Variants in CDH10 observed in about 807,000 individuals in gnomAD.
CDH10 encodes the protein cadherin-10.
CDH10 carries 30 observed loss-of-function variants against 73.1 expected under a neutral mutation model. The ratio of observed to expected loss-of-function variants is 0.41; its 90% confidence interval spans 0.31 to 0.56. The LOEUF (loss-of-function observed/expected upper bound fraction) is 0.56. Among genes scored for constraint, CDH10 ranks in the 20% least tolerant of loss-of-function variants. The probability of loss-of-function intolerance (pLI) is 0.27; values close to 1 mark genes in which losing one functional copy is unlikely to be tolerated. For synonymous variants in CDH10, 345 were observed against 348.2 expected, an observed-to-expected ratio of 0.99 and a Z score of 0.10; for missense variants, 815 against 973.7, an observed-to-expected ratio of 0.84 and a Z score of 2.17.
chr5:24,520,898 T>TG (rs1743304941), intron 5 of CDH10, among the ~76,000 whole-genome samples: 1 of 151,606 alleles, frequency 6.6e-6, no homozygotes, highest in East Asian at 2.0e-4. Flanking sequence ...GGCAAATTTT[T>TG]TTTTTGTATT....
chr5:24,625,554 T>C (rs1174338098), intron 1 of CDH10, among the ~76,000 whole-genome samples: 3 of 88,264 alleles, frequency 3.4e-5, no homozygotes, highest in South Asian at 4.5e-4. Flanking sequence ...TCTGTATATA[T>C]ATATATATTC....
chr5:24,541,008 ACTT>A (rs1744135380), intron 2 of CDH10, among the ~76,000 whole-genome samples: 1 of 151,884 alleles, frequency 6.6e-6, no homozygotes, highest in Non-Finnish European at 1.5e-5. Flanking sequence ...AAAACCTTAC[ACTT>A]CTTATGTTTT....
intron 2 of CDH10, among the ~76,000 whole-genome samples, chr5:24,554,800 T>G (rs1179344360): frequency 1.3e-5 from 2 of 152,212 alleles, no homozygotes; most frequent in Non-Finnish European, 2.9e-5. Flanking sequence ...CTTTTCCTTT[T>G]ATGTGGTAAT....
At chr5:24,637,735 T>C (rs1381343092) in intron 1 of CDH10, among the ~76,000 whole-genome samples, 1 of 151,940 alleles carries the variant, frequency 6.6e-6, no homozygotes, top group East Asian at 1.9e-4. Flanking sequence ...AATAGCAACA[T>C]ATGATAGCCT....
intron 1 of CDH10, among the ~76,000 whole-genome samples, chr5:24,634,985 T>C (rs569628084): frequency 7.4e-6 from 1 of 134,522 alleles, no homozygotes; most frequent in Non-Finnish European, 1.6e-5. Flanking sequence ...TAAATTAACA[T>C]ATAAATAGAG....
chr5:24,597,547 G>A (rs1746414825), intron 1 of CDH10, among the ~76,000 whole-genome samples: 1 of 152,008 alleles, frequency 6.6e-6, no homozygotes, highest in African/African-American at 2.4e-5. Context: ...AACCAGAGGA[G>A]TTTGTTTGCT....
intron 1 of CDH10, among the ~76,000 whole-genome samples, chr5:24,610,599 AGATTATATATTGATTTAAT>A (rs1746910041): frequency 1.3e-5 from 2 of 152,202 alleles, no homozygotes; most frequent in African/African-American, 4.8e-5. Flanking sequence ...GTGAATATAG[AGATTATATATTGATTTAAT>A]TTATTTCTGG....
In CDH10 at chr5:24,493,130, A is replaced by T. The variant is rs933251691; in HGVS notation, c.1516-205T>A. On this transcript the variant is annotated intron_variant, in intron 9 of 11. Transcript: ENST00000264463. ...CTCATCTCTGTGTCTTTTGGATCAT[A>T]CCCTTTACTTCAAAATGGTAAATAA... Among the ~76,000 whole-genome samples, 7 of 151,934 alleles carry T rather than the reference A, an allele frequency of 4.6e-5. No homozygotes were observed. In the East Asian group the frequency reaches 1.4e-3, roughly 29 times the overall value.
chr5:24,628,871 CACAG>C (rs373784867), intron 1 of CDH10, among the ~76,000 whole-genome samples: 33 of 123,228 alleles, frequency 2.7e-4, no homozygotes, highest in African/African-American at 8.7e-4. Flanking sequence ...CACACACACA[CACAG>C]ACACACACAC....
chr5:24,491,971 C>T (rs189407538), intron 10 of CDH10, 144 bp from the exon 11 acceptor site: 1 of 558,274 alleles, frequency 1.8e-6, no homozygotes, highest in East Asian at 2.9e-5. Context: ...AAGTACAATG[C>T]AATTAATATA....
intron 5 of CDH10, among the ~76,000 whole-genome samples, chr5:24,512,428 T>A (rs1429951017): frequency 1.3e-4 from 20 of 152,244 alleles, no homozygotes; most frequent in Non-Finnish European, 1.5e-5. Context: ...TTTACTATGC[T>A]ATATTTAGTT....
chr5:24,518,917 G>A (rs917230351), intron 5 of CDH10, among the ~76,000 whole-genome samples: 16 of 115,022 alleles, frequency 1.4e-4, no homozygotes, highest in African/African-American at 5.0e-4. Context: ...TTGAGACAGA[G>A]TCTTGCTCGG....
chr5:24,592,855 C>T (rs1024180731), intron 2 of CDH10, among the ~76,000 whole-genome samples: 3 of 151,482 alleles, frequency 2.0e-5, no homozygotes, highest in Non-Finnish European at 4.4e-5. Context: ...GAAGATTAAA[C>T]AACTTTGAAA....
intron 2 of CDH10, among the ~76,000 whole-genome samples, chr5:24,566,184 G>T (rs970720114): frequency 6.6e-6 from 1 of 151,970 alleles, no homozygotes; most frequent in Non-Finnish European, 1.5e-5. Context: ...AAGCACCTGG[G>T]ATTACAGACA....
chr5:24,637,825 A>G (rs1253539492), intron 1 of CDH10, among the ~76,000 whole-genome samples: 1 of 151,976 alleles, frequency 6.6e-6, no homozygotes, highest in Non-Finnish European at 1.5e-5. Flanking sequence ...AAAAATTTCA[A>G]ATTTCCCTAA....
intron 2 of CDH10, among the ~76,000 whole-genome samples, chr5:24,545,823 T>C (rs541193370): frequency 1.0e-3 from 154 of 151,450 alleles, no homozygotes; most frequent in African/African-American, 3.6e-3. Flanking sequence ...TCAAAGAAAA[T>C]AAAAAAAGGA....
chr5:24,584,938 C>A (rs1030615408), intron 2 of CDH10, among the ~76,000 whole-genome samples: 1 of 151,530 alleles, frequency 6.6e-6, no homozygotes, highest in Non-Finnish European at 1.5e-5. Context: ...CCTCAAACTC[C>A]GAGGCTCAGG....
chr5:24,494,858 T>C (rs1742209732), intron 9 of CDH10, among the ~76,000 whole-genome samples: 1 of 152,092 alleles, frequency 6.6e-6, no homozygotes, highest in African/African-American at 2.4e-5. Context: ...AATAGAATGA[T>C]GTGTTGCAGA....
chr5:24,638,928 A>C (rs1747953620), intron 1 of CDH10, among the ~76,000 whole-genome samples: 1 of 151,562 alleles, frequency 6.6e-6, no homozygotes, highest in Non-Finnish European at 1.5e-5. Context: ...TATGTAATTC[A>C]TGTTTTTGAT....
Sources: allele counts gnomAD v4.1 joint callset (sites outside exome capture counted in the v4.1 genomes callset), GRCh38; gene constraint gnomAD v4.1.1; transcripts MANE v1.5; gene names NCBI Gene and HGNC (gene_info 2026-07-23, HGNC 2026-07-21).